The following TAAR8 variants were observed in gnomAD, a reference collection of about 807,000 sequenced individuals.
TAAR8 encodes trace amine-associated receptor 8.
For missense variants in TAAR8, 459 were observed against 405.8 expected, an observed-to-expected ratio of 1.13 and a Z score of -1.13; for synonymous variants, 157 against 152.7, an observed-to-expected ratio of 1.03 and a Z score of -0.21.
At chr6:132,553,293 G>C in exon 1 of TAAR8, 3 of 1,614,130 alleles carry the variant, frequency 1.9e-6, no homozygotes, top group Non-Finnish European at 2.5e-6. Context: ...GGTGTTGATA[G>C]ATTTTCTGTT....
At chr6:132,553,590 T>C in exon 1 of TAAR8, 15 of 1,614,120 alleles carry the variant, frequency 9.3e-6, no homozygotes, top group Non-Finnish European at 1.3e-5. Flanking sequence ...TTGGAGTGCT[T>C]ATTATAACTC....
exon 1 of TAAR8, chr6:132,553,465 C>T: frequency 1.2e-6 from 2 of 1,614,086 alleles, no homozygotes; most frequent in Non-Finnish European, 1.7e-6. Flanking sequence ...GCAGCTAAAA[C>T]CCTGGGGGTC....
In TAAR8 at chr6:132,552,710, C is replaced by T. The variant is rs747539422; in HGVS notation, c.18C>T (p.Ser6=). 8 of 1,605,728 alleles carry T rather than the reference C, an allele frequency of 5.0e-6. No homozygotes were observed. In the South Asian group the frequency reaches 8.9e-5, roughly 18 times the overall value. The change falls in exon 1 of 1, where the codon TCC becomes TCT. Residue 6 remains serine, a synonymous_variant. Transcript: ENST00000275200. ...GCAGAACCATGACCAGCAATTTTTC[C>T]CAACCTGTTGTGCAGCTTTGCTATG...
At position 132,552,802 on chromosome 6, in the gene TAAR8, C is replaced by G. The variant is rs148349370; in HGVS notation, c.110C>G (p.Ala37Gly). The G allele has an allele frequency of 1.4e-5, 22 of 1,614,120 alleles. No individual in the cohort carries two copies. The South Asian group carries it at 2.4e-4, about 18-fold the overall frequency. Reference sequence around the variant, plus strand: ...GGGTCCCGGGTAATTCTGTACACGGCGTTTAGCTTTGGGTCTTTGCTGGCT... The same window carrying G: ...GGGTCCCGGGTAATTCTGTACACGGGGTTTAGCTTTGGGTCTTTGCTGGCT... The change falls in exon 1 of 1, where the codon GCG (alanine) becomes GGG (glycine). Residue 37 changes from alanine to glycine, a missense_variant. By Grantham distance (60) the Ala-to-Gly change is moderately conservative. Transcript: ENST00000275200.
exon 1 of TAAR8, chr6:132,553,691 T>C (rs1776414281): frequency 6.3e-7 from 1 of 1,588,234 alleles, no homozygotes; most frequent in Non-Finnish European, 8.5e-7. Context: ...TAAAGGCTAG[T>C]TCATCAACCA....
Position 132,553,247 on chromosome 6 carries a change from C to T in TAAR8, c.555C>T (p.Cys185=), listed in dbSNP as rs142407090. 2.6e-5 allele frequency: 42 copies of T among 1,614,122 alleles called. No individual in the cohort carries two copies. In the Admixed American group the frequency reaches 2.8e-4, roughly 11 times the overall value. ...AGGAATTAGTAAGTGCTCTCAACTG[C>T]GTAGGTGGCTGTCAAATTATTGTAA... Residue 185 remains cysteine, a synonymous_variant, in exon 1 of 1, where the codon TGC becomes TGT. Transcript: ENST00000275200.
chr6:132,553,183 G>T (rs988974184), exon 1 of TAAR8: 7 of 1,614,154 alleles, frequency 4.3e-6, no homozygotes, highest in Non-Finnish European at 5.9e-6. Flanking sequence ...ACGTACAGCG[G>T]TGCTGTGTTC....
In TAAR8 at chr6:132,552,849, A is replaced by G. The variant is rs921290047; in HGVS notation, c.157A>G (p.Met53Val). ...GGCTGTATTTGGAAATCTCTTAGTA[A>G]TGACTTCTGTTCTTCATTTTAAGCA... is the stretch of plus-strand genomic sequence containing the variant. The change falls in exon 1 of 1, where the codon ATG (methionine) becomes GTG (valine). Residue 53 changes from methionine (M) to valine (V), a missense_variant. Met to Val is a conservative substitution (Grantham distance 21). Transcript: ENST00000275200. 10 of 1,613,982 alleles carry G rather than the reference A, an allele frequency of 6.2e-6. No individual in the cohort carries two copies. The highest frequency in any genetic ancestry group is 8.5e-6 in the Non-Finnish European group (10 of 1,180,042).
exon 1 of TAAR8, chr6:132,553,330 T>G: frequency 3.1e-6 from 5 of 1,614,124 alleles, no homozygotes; most frequent in Non-Finnish European, 4.2e-6. Flanking sequence ...CTTGTTATGA[T>G]AATTCTTTAC....
At chr6:132,553,135 C>T (rs199551401) in exon 1 of TAAR8, 52 of 1,614,018 alleles carry the variant, frequency 3.2e-5, no homozygotes, top group Middle Eastern at 1.6e-4. Flanking sequence ...GTGTCTGTGT[C>T]GGGAATTTGC....
chr6:132,553,114 C>T lies in TAAR8; in HGVS notation c.422C>T (p.Thr141Ile), dbSNP rs1776404854. 1.9e-6 allele frequency: 3 copies of T among 1,614,194 alleles called. No individual in the cohort carries two copies. The highest frequency in any genetic ancestry group is 2.5e-6 in the Non-Finnish European group (3 of 1,180,044). ...GTTACTGATCCCCTGGTCTATGCTA[C>T]CAAGTTCACCGTGTCTGTGTCGGGA... is the stretch of plus-strand genomic sequence containing the variant. The change falls in exon 1 of 1, where the codon ACC (threonine) becomes ATC (isoleucine). Residue 141 changes from threonine to isoleucine, a missense_variant. Physicochemically the swap from Thr to Ile is moderately conservative, Grantham distance 89. Transcript: ENST00000275200.
chr6:132,553,661 T>G, exon 1 of TAAR8: 1 of 1,611,658 alleles, frequency 6.2e-7, no homozygotes, highest in Non-Finnish European at 8.5e-7. Flanking sequence ...CCATAAAACT[T>G]ATTTTAAGTG....
exon 1 of TAAR8, chr6:132,553,461 A>G: frequency 6.2e-7 from 1 of 1,614,192 alleles, no homozygotes; most frequent in Non-Finnish European, 8.5e-7. Flanking sequence ...GAAAGCAGCT[A>G]AAACCCTGGG....
chr6:132,553,653 A>T, exon 1 of TAAR8: 1 of 1,612,196 alleles, frequency 6.2e-7, no homozygotes, highest in South Asian at 1.1e-5. Context: ...TAGGAAAGCC[A>T]TAAAACTTAT....
rs1776399675 is a variant in TAAR8, at chr6:132,552,820, T to A, written c.128T>A (p.Leu43Ter). The stretch of plus-strand genomic sequence containing the variant: ...TACACGGCGTTTAGCTTTGGGTCTT[T>A]GCTGGCTGTATTTGGAAATCTCTTA... The change falls in exon 1 of 1, where the codon TTG becomes TAG. Residue 43 changes from leucine (L) to a stop codon, truncating the protein, a stop_gained. Coordinates refer to ENST00000275200, the Ensembl canonical transcript of TAAR8. LOFTEE classifies it low-confidence loss of function (END_TRUNC). 9 of 1,614,218 alleles carry A rather than the reference T, an allele frequency of 5.6e-6. No individual in the cohort carries two copies. In the East Asian group the frequency reaches 2.0e-4, roughly 36 times the overall value.
chr6:132,552,860 T>G (rs753281485), exon 1 of TAAR8: 3 of 1,614,088 alleles, frequency 1.9e-6, no homozygotes, highest in African/African-American at 2.7e-5. Context: ...TGACTTCTGT[T>G]CTTCATTTTA....
chr6:132,552,800 G>C lies in TAAR8; in HGVS notation c.108G>C (p.Thr36=). The change falls in exon 1 of 1, where the codon ACG becomes ACC. Residue 36 remains threonine, a synonymous_variant. Transcript: ENST00000275200. ...CTGGGTCCCGGGTAATTCTGTACAC[G>C]GCGTTTAGCTTTGGGTCTTTGCTGG... 2 of 1,614,052 alleles carry C rather than the reference G, an allele frequency of 1.2e-6. 1 individual carries two copies. Among genetic ancestry groups the C allele is most frequent in the Middle Eastern group, 3.3e-4 (2 of 6,062 alleles).
chr6:132,552,993 G>T, exon 1 of TAAR8: 1 of 1,614,178 alleles, frequency 6.2e-7, no homozygotes, highest in Non-Finnish European at 8.5e-7. Context: ...GTATTTTGGA[G>T]CCAAATTTTG....
At chr6:132,552,757 T>C in exon 1 of TAAR8, 1 of 1,614,248 alleles carries the variant, frequency 6.2e-7, no homozygotes, top group South Asian at 1.1e-5. Flanking sequence ...GGATCTTGTA[T>C]TGAAACTCCC....
Sources: gnomAD v4.1 joint callset for allele counts on GRCh38, gnomAD v4.1.1 for gene constraint, MANE v1.5 for transcripts, NCBI Gene and HGNC (gene_info 2026-07-23, HGNC 2026-07-21) for gene names.